Variants in USP19 observed in about 807,000 individuals in gnomAD.
USP19 encodes ubiquitin specific peptidase 19.
A neutral mutation model predicts 144.8 loss-of-function variants in USP19; 40 were observed. The observed-to-expected ratio is 0.28, with a 90% CI of 0.21 to 0.36. The LOEUF (loss-of-function observed/expected upper bound fraction) is 0.36. USP19 is among the 10% of genes least tolerant of loss of function. USP19 has a pLI of 1.00. For synonymous variants in USP19, 701 were observed against 709.3 expected (o/e 0.99, Z 0.19); for missense variants, 1,518 against 1,822.5 (o/e 0.83, Z 3.04).
In USP19 at chr3:49,112,511, A is replaced by G. The variant is rs896354997; in HGVS notation, c.2624T>C (p.Val875Ala). The G allele has an allele frequency of 1.2e-6, 2 of 1,613,774 alleles. No homozygotes were observed. The highest frequency in any genetic ancestry group is 1.7e-6 in the Non-Finnish European group (2 of 1,179,834). Residue 875 changes from valine (V) to alanine (A), a missense_variant, in exon 18 of 27, where the codon GTA becomes GCA. Val to Ala is a moderately conservative substitution (Grantham distance 64). This residue lies in a region of USP19 where 413 missense variants were observed against 515.8 expected (regional missense o/e 0.80). Transcript: ENST00000417901. This position sits in a 1 kb window ranked among gnomAD's most constrained non-coding sequence, Gnocchi z 4.9. ...CACCTGTTGCACCTCTAGCACCACT[A>G]CCCGCTCCTTAGCCAACTCTGAGGA... Reference protein sequence around the residue: ...LLSSELAKERVVVLEVQQRPQ... With the variant: ...LLSSELAKERAVVLEVQQRPQ...
At position 49,117,751 on chromosome 3, in the gene USP19, C is replaced by T; in HGVS notation, c.378G>A (p.Glu126=). ...CTCCCACACGAAGCTTGACAATCACCTCTTCTGCACTCTGCCTCCAATCGA... is the reference window on the plus strand; with the variant it reads ...CTCCCACACGAAGCTTGACAATCACTTCTTCTGCACTCTGCCTCCAATCGA... ...LLLDWRQSAE[E]VIVKLRVGVG... Residue 126 remains glutamate, a synonymous_variant, in exon 4 of 27, where the codon GAG becomes GAA. Transcript: ENST00000417901. This position sits in a 1 kb window ranked among gnomAD's most constrained non-coding sequence, Gnocchi z 4.4. The T allele has an allele frequency of 6.2e-7, 1 of 1,614,198 alleles. No individual in the cohort carries two copies. The highest frequency in any genetic ancestry group is 8.5e-7 in the Non-Finnish European group (1 of 1,180,048).
At position 49,111,894 on chromosome 3, in the gene USP19, A is replaced by C; in HGVS notation, c.2903+17T>G. The C allele has an allele frequency of 6.2e-7, 1 of 1,613,740 alleles. No individual in the cohort carries two copies. The highest frequency in any genetic ancestry group is 8.5e-7 in the Non-Finnish European group (1 of 1,179,842). ...GCCCCCACCTACACCACTCTAGTCC[A>C]ACCACTGGGCACTTACCGGGCATAG... is the stretch of plus-strand genomic sequence containing the variant. On this transcript the variant is annotated intron_variant, in intron 20 of 26. Transcript: ENST00000417901. The surrounding 1 kb of genome is among the most constrained non-coding windows in gnomAD (Gnocchi z 5.9).
Position 49,117,972 on chromosome 3 carries a change from A to G in USP19, c.273T>C (p.Thr91=). 6.2e-7 allele frequency: 1 copy of G among 1,612,132 alleles called. No homozygotes were observed. The stretch of plus-strand genomic sequence containing the variant: ...CCTCTTTGGTCTGCTCCTCTTGAGG[A>G]GTGGATGCTGACCCTGACGATGAAG... ...FFPSSSGSAS[T]PQEEQTKEGA... Residue 91 remains threonine, a synonymous_variant, in exon 3 of 27, where the codon ACT becomes ACC. Transcript: ENST00000417901. The surrounding 1 kb of genome is among the most constrained non-coding windows in gnomAD (Gnocchi z 4.4).
At position 49,110,284 on chromosome 3, in the gene USP19, A is replaced by T; in HGVS notation, c.3938T>A (p.Phe1313Tyr). The change falls in exon 26 of 27, where the codon TTC becomes TAC. Residue 1313 changes from phenylalanine (F) to tyrosine (Y), a missense_variant. By Grantham distance (22) the Phe-to-Tyr change is conservative. Coordinates refer to ENST00000417901, the MANE Select transcript of USP19 (RefSeq NM_001199161.2). The surrounding 1 kb of genome is among the most constrained non-coding windows in gnomAD (Gnocchi z 6.1). ...QVVTRYAYVLFYRRRNSPVER... is the reference protein window; with the variant it reads ...QVVTRYAYVLYYRRRNSPVER... ...CACAGGAGAGTTCCGCCGGCGGTAGAAGAGTACATAGGCATAACGCGTCAC... is the reference window on the plus strand; with the variant it reads ...CACAGGAGAGTTCCGCCGGCGGTAGTAGAGTACATAGGCATAACGCGTCAC... 1.2e-6 allele frequency: 2 copies of T among 1,607,924 alleles called. No individual in the cohort carries two copies. Among genetic ancestry groups the T allele is most frequent in the Non-Finnish European group, 1.7e-6 (2 of 1,176,024 alleles).
Position 49,117,666 on chromosome 3 carries a change from G to A in USP19, c.463C>T (p.Arg155Trp), listed in dbSNP as rs755522241. Residue 155 changes from arginine to tryptophan, a missense_variant, in exon 4 of 27, where the codon CGG becomes TGG. Transcript: ENST00000417901. The surrounding 1 kb of genome is among the most constrained non-coding windows in gnomAD (Gnocchi z 4.4). ...GGGCAGATGGACACACCTGCAAACC[G>A]CACCACACAGTCTGTATCTGTGAAA... ...AAFTDTDCVV[R>W]FAGGQQWGGV... 1.3e-5 allele frequency: 21 copies of A among 1,613,998 alleles called. No individual in the cohort carries two copies. The highest frequency in any genetic ancestry group is 1.6e-4 in the Middle Eastern group (1 of 6,084).
intron 17 of USP19, among the ~76,000 whole-genome samples, 187 bp downstream of exon 17, chr3:49,113,805 G>C (rs1443411705): frequency 6.6e-6 from 1 of 151,952 alleles, no homozygotes; most frequent in Non-Finnish European, 1.5e-5. Context: ...AGTTGCCCAG[G>C]CTGGTCCCAA....
rs1374387069 is a variant in USP19 at position 49,114,347 on chromosome 3, CAG to C, written c.2293-65_2293-64del. 2.0e-6 allele frequency: 3 copies of C among 1,518,956 alleles called. No individual in the cohort carries two copies. In the African/African-American group the frequency reaches 4.1e-5, roughly 21 times the overall value. 94.1% of individuals were successfully genotyped at this position (1,518,956 alleles called of 1,614,324 possible). On this transcript the variant is annotated intron_variant, in intron 15 of 26. Coordinates refer to ENST00000417901, the MANE Select transcript of USP19 (RefSeq NM_001199161.2). The surrounding 1 kb of genome is among the most constrained non-coding windows in gnomAD (Gnocchi z 4.5). ...GAGTGGGAGATAAGATGCTCATGCT[CAG>C]AGAGCCCATTCCGGGGCTTCTGATG... is the stretch of plus-strand genomic sequence containing the variant.
At position 49,110,107 on chromosome 3, in the gene USP19, G is replaced by A. The variant is rs1219152181; in HGVS notation, c.4038+77C>T. 7.1e-7 allele frequency: 1 copy of A among 1,417,746 alleles called. No homozygotes were observed. Among genetic ancestry groups the A allele is most frequent in the Non-Finnish European group, 9.2e-7 (1 of 1,084,754 alleles). The allele number at this position is 1,417,746 out of a possible 1,614,324, so 87.8% of individuals were successfully genotyped here. On this transcript the variant is annotated intron_variant, in intron 26 of 26. Coordinates refer to ENST00000417901, the MANE Select transcript of USP19 (RefSeq NM_001199161.2). The surrounding 1 kb of genome is among the most constrained non-coding windows in gnomAD (Gnocchi z 6.1). ...TCAATGGGCCTGTGGCTGGAGGAGA[G>A]GAAGCTATATCCCCCAACCCGGCCC...
chr3:49,115,664 A>G lies in USP19; in HGVS notation c.1693-25T>C. 1.4e-5 allele frequency: 22 copies of G among 1,608,756 alleles called. No individual in the cohort carries two copies. The highest frequency in any genetic ancestry group is 1.8e-5 in the Non-Finnish European group (21 of 1,176,708). On this transcript the variant is annotated intron_variant, in intron 11 of 26. Transcript: ENST00000417901. This position sits in a 1 kb window ranked among gnomAD's most constrained non-coding sequence, Gnocchi z 6.6. ...GCTGCAGGAGCAAAGACGACATGAG[A>G]GAACAGCCCCAAGACTCTCCAGCCT...
chr3:49,112,650 G>A lies in USP19; in HGVS notation c.2506-21C>T, dbSNP rs1297850220. 1.2e-6 allele frequency: 2 copies of A among 1,604,278 alleles called. No homozygotes were observed. Among genetic ancestry groups the A allele is most frequent in the East Asian group, 2.2e-5 (1 of 44,698 alleles). ...ATTACCTGGGGACAGAGAACACACAGATCCCACGTGAGGATAAGCCCTTTC... is the reference window on the plus strand; with the variant it reads ...ATTACCTGGGGACAGAGAACACACAAATCCCACGTGAGGATAAGCCCTTTC... On this transcript the variant is annotated intron_variant, in intron 17 of 26. Coordinates refer to ENST00000417901, the MANE Select transcript of USP19 (RefSeq NM_001199161.2). The surrounding 1 kb of genome is among the most constrained non-coding windows in gnomAD (Gnocchi z 4.9).
intron 17 of USP19, 129 bp downstream of exon 17, chr3:49,113,863 G>A: frequency 1.0e-6 from 1 of 994,452 alleles, no homozygotes; most frequent in Non-Finnish European, 1.5e-6. Context: ...CAAAGTGCTG[G>A]GACTACAGGC....
Position 49,114,085 on chromosome 3 carries a change from C to A in USP19, c.2412G>T (p.Val804=). The A allele has an allele frequency of 6.2e-7, 1 of 1,614,216 alleles. No homozygotes were observed. Among genetic ancestry groups the A allele is most frequent in the Non-Finnish European group, 8.5e-7 (1 of 1,180,044 alleles). Residue 804 remains valine (V), a synonymous_variant, in exon 17 of 27, where the codon GTG becomes GTT. Transcript: ENST00000417901. The surrounding 1 kb of genome is among the most constrained non-coding windows in gnomAD (Gnocchi z 4.5). ...CAGTGGAGTTCTCCTTGCTGACGCT[C>A]ACCAGGAACTGTGGCAAAAAGGGCA... ...EPHSKPIKFL[V]SVSKENSTAS...
chr3:49,109,150 C>T (rs2107182841), intron 26 of USP19: 4 of 1,508,004 alleles, frequency 2.7e-6, no homozygotes, highest in Middle Eastern at 1.7e-4. Context: ...GCACCGGCTC[C>T]TCCTCAGCCT....
Position 49,109,127 on chromosome 3 carries a change from C to T in USP19, c.4039-599G>A, listed in dbSNP as rs1228948401. ...TTGGGGCCCCCAGGGACCCAGGGGC[C>T]CAGACCCCTCAGGCACCGGCTCCTC... On this transcript the variant is annotated intron_variant, in intron 26 of 26. Coordinates refer to ENST00000417901, the MANE Select transcript of USP19 (RefSeq NM_001199161.2). 2.4e-5 allele frequency: 37 copies of T among 1,544,614 alleles called. No individual in the cohort carries two copies. The highest frequency in any genetic ancestry group is 3.1e-5 in the Non-Finnish European group (36 of 1,148,216).
Position 49,118,122 on chromosome 3 carries a change from T to TAAA in USP19, c.125-5_125-3dup. 1 of 1,004,370 alleles carries TAAA rather than the reference T, an allele frequency of 1.0e-6. No homozygotes were observed. The highest frequency in any genetic ancestry group is 3.0e-5 in the Admixed American group (1 of 33,784). 62.2% of individuals were successfully genotyped at this position (1,004,370 alleles called of 1,614,324 possible). On this transcript the variant is annotated splice_polypyrimidine_tract_variant and splice_region_variant and intron_variant, in intron 2 of 26. Transcript: ENST00000417901. ...GGGCAACATATCGAGACCCTGTCTC[T>TAAA]AAAAAAAAAATAAGAAAAATTAGTC...
rs780631688 is a variant in USP19, at chr3:49,111,525, A to G, written c.3192T>C (p.Ala1064=). 31 of 1,612,000 alleles carry G rather than the reference A, an allele frequency of 1.9e-5. No individual in the cohort carries two copies. Among genetic ancestry groups the G allele is most frequent in the Non-Finnish European group, 2.5e-5 (29 of 1,179,992 alleles). The change falls in exon 21 of 27, where the codon GCT becomes GCC. Residue 1064 remains alanine (A), a synonymous_variant. Coordinates refer to ENST00000417901, the MANE Select transcript of USP19 (RefSeq NM_001199161.2). This position sits in a 1 kb window ranked among gnomAD's most constrained non-coding sequence, Gnocchi z 5.9. ...SGPIEVGSLP[A]GERVSRPEAA... is the part of the protein sequence containing the mutation. ...CTTCGGGTCGGGACACCCTCTCGCC[A>G]GCTGGCAAGGAGCCAACCTCAATGG...
chr3:49,113,876 G>A, intron 17 of USP19, 116 bp downstream of exon 17: 2 of 1,127,376 alleles, frequency 1.8e-6, no homozygotes, highest in Non-Finnish European at 2.6e-6. Context: ...CTACAGGCAT[G>A]AGCCACTGTG....
Position 49,114,667 on chromosome 3 carries a change from C to A in USP19, c.2292+96G>T. On this transcript the variant is annotated intron_variant, in intron 15 of 26. Transcript: ENST00000417901. The surrounding 1 kb of genome is among the most constrained non-coding windows in gnomAD (Gnocchi z 4.5). Reference sequence around the variant, plus strand: ...GCCAGCTTCTTTGCCCAAACCTTGCCCTGTAGCACCTTAAGATGCACATGC... The same window carrying A: ...GCCAGCTTCTTTGCCCAAACCTTGCACTGTAGCACCTTAAGATGCACATGC... 1 of 1,361,066 alleles carries A rather than the reference C, an allele frequency of 7.3e-7. No individual in the cohort carries two copies. Among genetic ancestry groups the A allele is most frequent in the East Asian group, 2.4e-5 (1 of 41,668 alleles). The allele number at this position is 1,361,066 out of a possible 1,614,324, so 84.3% of individuals were successfully genotyped here.
rs902662429 is a variant in USP19, at chr3:49,114,221, G to A, written c.2356C>T (p.Leu786Phe). Residue 786 changes from leucine to phenylalanine, a missense_variant, in exon 16 of 27, where the codon CTC becomes TTC. This residue lies in a region of USP19 where 413 missense variants were observed against 515.8 expected (regional missense o/e 0.80). Transcript: ENST00000417901. The surrounding 1 kb of genome is among the most constrained non-coding windows in gnomAD (Gnocchi z 4.5). Reference sequence around the variant, plus strand: ...TCTCGGGCAAAATAAAAGACAGGGAGAACCTTTTGCTTTTGTGGCAAGGGC... The same window carrying A: ...TCTCGGGCAAAATAAAAGACAGGGAAAACCTTTTGCTTTTGTGGCAAGGGC... ...PVPLPQKQKV[L>F]PVFYFAREPH... 1 of 1,614,106 alleles carries A rather than the reference G, an allele frequency of 6.2e-7. No individual in the cohort carries two copies. Among genetic ancestry groups the A allele is most frequent in the Admixed American group, 1.7e-5 (1 of 60,004 alleles).
Sources: allele counts gnomAD v4.1 joint callset (sites outside exome capture counted in the v4.1 genomes callset), GRCh38; gene constraint gnomAD v4.1.1; regional missense constraint gnomAD v4.1.1; non-coding constraint Gnocchi (gnomAD v3.1); transcripts MANE v1.5; gene names NCBI Gene and HGNC (gene_info 2026-07-23, HGNC 2026-07-21).